EBF2: variants seen among roughly 807,000 people sequenced by gnomAD.
EBF2 encodes the protein EBF transcription factor 2.
In EBF2, 21 loss-of-function variants were observed where a neutral mutation model predicts 72.8. The observed-to-expected ratio is 0.29, with a 90% CI of 0.20 to 0.42. The LOEUF is 0.42. EBF2 is among the 10% of genes least tolerant of loss of function. EBF2 has a pLI of 1.00. For synonymous variants in EBF2, 299 were observed against 274.2 expected, an observed-to-expected ratio of 1.09 and a Z score of -0.89; for missense variants, 637 against 731.2, an observed-to-expected ratio of 0.87 and a Z score of 1.49.
chr8:25,971,443 G>A (rs1354569720), intron 6 of EBF2, among the ~76,000 whole-genome samples: 1 of 152,128 alleles, frequency 6.6e-6, no homozygotes, highest in Admixed American at 6.5e-5. Context: ...CTGGATTCCA[G>A]ACCCCGCCCC....
At chr8:25,961,111 T>C (rs1481379655) in intron 6 of EBF2, among the ~76,000 whole-genome samples, 1 of 151,994 alleles carries the variant, frequency 6.6e-6, no homozygotes, top group Admixed American at 6.6e-5. Flanking sequence ...CACATATGCG[T>C]GAAAAAGAAA....
intron 7 of EBF2, among the ~76,000 whole-genome samples, chr8:25,903,695 T>C (rs1802992128): frequency 1.3e-5 from 2 of 151,748 alleles, no homozygotes; most frequent in South Asian, 2.1e-4. Context: ...AGACTCCGTC[T>C]CAAAAACAAA....
intron 6 of EBF2, among the ~76,000 whole-genome samples, chr8:25,918,619 CTAAG>C (rs1270869030): frequency 2.6e-5 from 4 of 151,930 alleles, no homozygotes; most frequent in African/African-American, 4.8e-5. Context: ...CTATAAACTG[CTAAG>C]TAAGTGTTAA....
At chr8:26,029,739 T>C (rs1006877504) in intron 6 of EBF2, among the ~76,000 whole-genome samples, 2 of 152,214 alleles carry the variant, frequency 1.3e-5, no homozygotes, top group African/African-American at 4.8e-5. Flanking sequence ...CAGAGTTCTA[T>C]ATTTACACAG....
chr8:26,038,005 G>C (rs984861038), intron 5 of EBF2, among the ~76,000 whole-genome samples: 1 of 152,106 alleles, frequency 6.6e-6, no homozygotes, highest in Non-Finnish European at 1.5e-5. Flanking sequence ...TGAGAAACAG[G>C]GCACCTGATT....
chr8:25,871,524 AT>A (rs1439609790), intron 10 of EBF2, among the ~76,000 whole-genome samples: 2 of 152,324 alleles, frequency 1.3e-5, no homozygotes, highest in South Asian at 2.1e-4. Flanking sequence ...TATAATTTAT[AT>A]TTACCTTTTA....
At chr8:26,041,212 C>T (rs1218095287) in intron 2 of EBF2, 3 of 606,498 alleles carry the variant, frequency 4.9e-6, no homozygotes, top group Non-Finnish European at 8.8e-6. Flanking sequence ...CCACTTGACC[C>T]TTTCCAGCCC....
chr8:25,857,956 G>C (rs895462633), intron 14 of EBF2: 1 of 365,966 alleles, frequency 2.7e-6, no homozygotes, highest in Non-Finnish European at 5.3e-6. Flanking sequence ...AGTTCTTATC[G>C]AAAAGTTCTT....
At chr8:25,982,917 T>A (rs901085272) in intron 6 of EBF2, among the ~76,000 whole-genome samples, 1 of 151,190 alleles carries the variant, frequency 6.6e-6, no homozygotes. Context: ...TCTTTATATA[T>A]TATGTTAAAT....
intron 6 of EBF2, among the ~76,000 whole-genome samples, chr8:25,950,423 G>C (rs939803234): frequency 2.6e-5 from 4 of 152,188 alleles, no homozygotes; most frequent in African/African-American, 4.8e-5. Flanking sequence ...CTTAAAGAAC[G>C]CATCTGCAAT....
intron 6 of EBF2, among the ~76,000 whole-genome samples, chr8:25,959,993 A>C (rs780059341): frequency 3.3e-5 from 5 of 152,206 alleles, no homozygotes; most frequent in Non-Finnish European, 4.4e-5. Flanking sequence ...CCCAATTCCC[A>C]GCCTATTCAC....
chr8:25,939,130 A>G (rs1313438633), intron 6 of EBF2, among the ~76,000 whole-genome samples: 1 of 152,250 alleles, frequency 6.6e-6, no homozygotes, highest in Non-Finnish European at 1.5e-5. Flanking sequence ...CAAGGATGAT[A>G]TTCCATATCC....
At chr8:25,990,159 G>T (rs1013016106) in intron 6 of EBF2, among the ~76,000 whole-genome samples, 1 of 151,082 alleles carries the variant, frequency 6.6e-6, no homozygotes, top group Non-Finnish European at 1.5e-5. Context: ...TTATACATCT[G>T]CATGTATATA....
chr8:25,986,024 A>AAAAAAAAAAT, intron 6 of EBF2, among the ~76,000 whole-genome samples: 1 of 144,218 alleles, frequency 6.9e-6, no homozygotes, highest in Non-Finnish European at 1.5e-5. Flanking sequence ...AAAAAAAAAA[A>AAAAAAAAAAT]AGTACATGAG....
At chr8:26,039,749 A>G (rs927986780) in intron 5 of EBF2, among the ~76,000 whole-genome samples, 1 of 152,068 alleles carries the variant, frequency 6.6e-6, no homozygotes, top group African/African-American at 2.4e-5. Flanking sequence ...CACCACTACC[A>G]CTGACAAGGG....
At chr8:25,959,255 A>G (rs950855366) in intron 6 of EBF2, among the ~76,000 whole-genome samples, 2 of 152,206 alleles carry the variant, frequency 1.3e-5, no homozygotes, top group Non-Finnish European at 2.9e-5. Context: ...CCCAGGCTGG[A>G]GTGCAGTGGC....
At chr8:25,849,895 T>C (rs893830109) in intron 15 of EBF2, among the ~76,000 whole-genome samples, 8 of 148,566 alleles carry the variant, frequency 5.4e-5, no homozygotes, top group Non-Finnish European at 1.2e-4. Flanking sequence ...CCTGTCCATG[T>C]ATGCCAAGAG....
At chr8:26,028,937 C>G (rs1449633873) in intron 6 of EBF2, among the ~76,000 whole-genome samples, 1 of 152,128 alleles carries the variant, frequency 6.6e-6, no homozygotes, top group South Asian at 2.1e-4. Flanking sequence ...GTGTTTTGGT[C>G]TAGGCTTTTG....
chr8:26,040,194 C>T (rs1805574880), intron 4 of EBF2, 93 bp from the exon 5 acceptor site: 2 of 1,309,930 alleles, frequency 1.5e-6, no homozygotes, highest in Non-Finnish European at 2.2e-6. Context: ...CATCGCTTTC[C>T]CTCCCACTAC....
Sources: gnomAD v4.1 joint callset for allele counts (sites outside exome capture counted in the v4.1 genomes callset) on GRCh38, gnomAD v4.1.1 for gene constraint, MANE v1.5 for transcripts, NCBI Gene and HGNC (gene_info 2026-07-23, HGNC 2026-07-21) for gene names.